EBF3: variants seen among roughly 807,000 people sequenced by gnomAD.
EBF3 encodes the protein EBF transcription factor 3, also known as transcription factor COE3.
A neutral mutation model predicts 77.1 loss-of-function variants in EBF3; 18 were observed. The ratio of observed to expected loss-of-function variants is 0.23; its 90% CI spans 0.16 to 0.35. The LOEUF is 0.35. EBF3 is among the 10% of genes least tolerant of loss of function. The probability of loss-of-function intolerance (pLI) is 1.00; values close to 1 mark genes in which losing one functional copy is unlikely to be tolerated. For missense variants in EBF3, 558 were observed against 860.0 expected, an observed-to-expected ratio of 0.65 and a Z score of 4.39; for synonymous variants, 350 against 343.5, an observed-to-expected ratio of 1.02 and a Z score of -0.21.
intron 6 of EBF3, among the ~76,000 whole-genome samples, chr10:129,930,971 ATATATC>A (rs968990469): frequency 1.4e-5 from 2 of 143,516 alleles, no homozygotes; most frequent in Admixed American, 7.1e-5. Flanking sequence ...TCCCCCTCTC[ATATATC>A]TATATCTCTA....
intron 10 of EBF3, among the ~76,000 whole-genome samples, chr10:129,865,007 G>T (rs1353433885): frequency 6.6e-6 from 1 of 152,240 alleles, no homozygotes; most frequent in East Asian, 1.9e-4. Flanking sequence ...GACCACAGGA[G>T]TAAGCATATG....
Position 129,864,750 on chromosome 10 carries a change from C to T in EBF3, c.1039+2391G>A, listed in dbSNP as rs1012778423. 1.3e-5 allele frequency among the ~76,000 whole-genome samples: 2 copies of T among 152,178 alleles called. No homozygotes were observed. The highest frequency in any genetic ancestry group is 2.9e-5 in the Non-Finnish European group (2 of 68,022). Reference sequence around the variant, plus strand: ...GCAGACACAGGCACCTACACAGGAGCCCACCCCTGCCATGTGCCCGCCGAA... The same window carrying T: ...GCAGACACAGGCACCTACACAGGAGTCCACCCCTGCCATGTGCCCGCCGAA... On this transcript the variant is annotated intron_variant, in intron 10 of 16. Coordinates refer to ENST00000440978, the MANE Select transcript of EBF3 (RefSeq NM_001375380.1). The surrounding 1 kb of genome is among the most constrained non-coding windows in gnomAD (Gnocchi z 4.4).
chr10:129,886,620 T>A (rs1311699367), intron 6 of EBF3, among the ~76,000 whole-genome samples: 2 of 152,194 alleles, frequency 1.3e-5, no homozygotes, highest in Non-Finnish European at 1.5e-5. Flanking sequence ...TCACAGATTA[T>A]CTGTTCTGCG....
chr10:129,916,182 T>C lies in EBF3; in HGVS notation c.555-38333A>G, dbSNP rs111742382. 4.5e-4 allele frequency among the ~76,000 whole-genome samples: 69 copies of C among 152,152 alleles called. 1 individual carries two copies. Among genetic ancestry groups the C allele is most frequent in the African/African-American group, 1.6e-3 (65 of 41,518 alleles). Reference sequence around the variant, plus strand: ...ATCTCCACTTTGGAAAACACAGGCATGTGAGAGCCTGGGGGAGAGACGGGC... The same window carrying C: ...ATCTCCACTTTGGAAAACACAGGCACGTGAGAGCCTGGGGGAGAGACGGGC... On this transcript the variant is annotated intron_variant, in intron 6 of 16. Coordinates refer to ENST00000440978, the MANE Select transcript of EBF3 (RefSeq NM_001375380.1).
At chr10:129,890,445 G>C (rs561023339) in intron 6 of EBF3, among the ~76,000 whole-genome samples, 55 of 152,362 alleles carry the variant, frequency 3.6e-4, no homozygotes, top group Non-Finnish European at 6.5e-4. Flanking sequence ...GTAGCACAAA[G>C]AGCGCCATTA....
chr10:129,934,990 T>C (rs920083744), intron 6 of EBF3, among the ~76,000 whole-genome samples: 1 of 152,168 alleles, frequency 6.6e-6, no homozygotes, highest in Non-Finnish European at 1.5e-5. Context: ...GGGCCTACTG[T>C]GTACCTGGTG....
chr10:129,963,732 T>A lies in EBF3; in HGVS notation c.37A>T (p.Thr13Ser), dbSNP rs866544665. ...CCCAGCGGCTCCTCCTTCATGGTCG[T>A]CCCCCCGCGCGGAATATTCTCCTGA... ...GIQENIPRGG[T>S]TMKEEPLGSG... is the part of the protein sequence containing the mutation. Residue 13 changes from threonine (T) to serine (S), a missense_variant, in exon 1 of 17, where the codon ACG becomes TCG. Transcript: ENST00000440978. The surrounding 1 kb of genome is among the most constrained non-coding windows in gnomAD (Gnocchi z 7.1). The A allele has an allele frequency of 2.6e-6, 4 of 1,532,888 alleles. No homozygotes were observed. In the African/African-American group the frequency reaches 5.7e-5, roughly 22 times the overall value. The allele number at this position is 1,532,888 out of a possible 1,614,324, so 95.0% of individuals were successfully genotyped here. A position where few individuals can be genotyped will look rare whatever the true frequency, so the allele number is the denominator to read the frequency against.
chr10:129,948,923 C>CTTGGAAAGGACACCTGCATTAA (rs1376222177), intron 6 of EBF3, among the ~76,000 whole-genome samples: 3 of 152,150 alleles, frequency 2.0e-5, no homozygotes, highest in African/African-American at 7.2e-5. Context: ...ACAATGAAAA[C>CTTGGAAAGGACACCTGCATTAA]TTGGAAAGGA....
At position 129,842,324 on chromosome 10, in the gene EBF3, T is replaced by C; in HGVS notation, c.1195-31A>G. On this transcript the variant is annotated intron_variant, in intron 12 of 16. Coordinates refer to ENST00000440978, the MANE Select transcript of EBF3 (RefSeq NM_001375380.1). The surrounding 1 kb of genome is among the most constrained non-coding windows in gnomAD (Gnocchi z 4.4). ...GCAGGAGCAAGTGGGAGCCGGCCTG[T>C]CACCCCAGGCCCGGCCCAGCTGGCC... is the stretch of plus-strand genomic sequence containing the variant. 6.4e-7 allele frequency: 1 copy of C among 1,551,986 alleles called. No individual in the cohort carries two copies. Among genetic ancestry groups the C allele is most frequent in the East Asian group, 2.3e-5 (1 of 42,836 alleles).
chr10:129,872,875 T>C (rs1289920478), intron 8 of EBF3, among the ~76,000 whole-genome samples: 1 of 152,148 alleles, frequency 6.6e-6, no homozygotes, highest in Non-Finnish European at 1.5e-5. Context: ...ACCACCCTTA[T>C]GGAAACCCTT....
chr10:129,918,368 A>G (rs1039965444), intron 6 of EBF3, among the ~76,000 whole-genome samples: 6 of 152,244 alleles, frequency 3.9e-5, no homozygotes, highest in African/African-American at 1.4e-4. Context: ...GAAGTCAAGA[A>G]GTCAAGTTTT....
intron 6 of EBF3, among the ~76,000 whole-genome samples, chr10:129,924,722 C>T (rs1856548680): frequency 6.6e-6 from 1 of 152,092 alleles, no homozygotes; most frequent in African/African-American, 2.4e-5. Flanking sequence ...GCTAGAGTGC[C>T]GTAGCATGAT....
Position 129,963,081 on chromosome 10 carries a change from G to A in EBF3, c.292-76C>T. On this transcript the variant is annotated intron_variant, in intron 2 of 16. Transcript: ENST00000440978. The surrounding 1 kb of genome is among the most constrained non-coding windows in gnomAD (Gnocchi z 7.1). Reference sequence around the variant, plus strand: ...GCCACCACGCTCGGTCCCCCTCCGCGACCGAGGCTCTCGGCCTCACACATG... The same window carrying A: ...GCCACCACGCTCGGTCCCCCTCCGCAACCGAGGCTCTCGGCCTCACACATG... The A allele has an allele frequency of 1.3e-6, 2 of 1,562,734 alleles. No homozygotes were observed. The highest frequency in any genetic ancestry group is 1.7e-5 in the Admixed American group (1 of 59,912).
At chr10:129,955,142 A>G (rs1858945225) in intron 6 of EBF3, among the ~76,000 whole-genome samples, 1 of 152,216 alleles carries the variant, frequency 6.6e-6, no homozygotes, top group African/African-American at 2.4e-5. Context: ...ACAACAGACA[A>G]CACAATGCTA....
intron 6 of EBF3, among the ~76,000 whole-genome samples, chr10:129,928,826 C>T (rs7086320): frequency 0.11 from 16,343 of 152,290 alleles, 1,948 homozygotes; most frequent in African/African-American, 0.3. Flanking sequence ...TCACTGTCTC[C>T]ACTGGCAAAT....
intron 10 of EBF3, among the ~76,000 whole-genome samples, chr10:129,852,236 A>G (rs1051624799): frequency 7.2e-5 from 11 of 152,236 alleles, no homozygotes; most frequent in Non-Finnish European, 1.5e-4. Flanking sequence ...AGTGTACTGG[A>G]GTTAATCTCG....
chr10:129,868,972 T>C lies in EBF3; in HGVS notation c.782-1060A>G, dbSNP rs559053823. 5.7e-3 allele frequency among the ~76,000 whole-genome samples: 873 copies of C among 152,316 alleles called. 9 individuals are homozygous for C. Among genetic ancestry groups the C allele is most frequent in the Non-Finnish European group, 4.3e-3 (292 of 68,020 alleles). ...ACTATCCTCAGGACCCTCAGACTAC[T>C]CTACCCTTTAGGTGAGCTGGGAGGT... On this transcript the variant is annotated intron_variant, in intron 8 of 16. Transcript: ENST00000440978.
chr10:129,840,314 C>T lies in EBF3; in HGVS notation c.1690G>A (p.Ala564Thr), dbSNP rs1388233949. The T allele has an allele frequency of 1.3e-6, 2 of 1,590,602 alleles. No homozygotes were observed. Among genetic ancestry groups the T allele is most frequent in the Non-Finnish European group, 8.6e-7 (1 of 1,168,504 alleles). Residue 564 changes from alanine to threonine, a missense_variant, in exon 15 of 17, where the codon GCG becomes ACG. Physicochemically the swap from Ala to Thr is moderately conservative, Grantham distance 58 (BLOSUM62 0). Transcript: ENST00000440978. ...ISAVKQKSAF[A>T]PVVRPQASPP... ...GAGGCTTGGGGCCGGACCACGGGCGCGAAGGCGCTCTTCTGTTTCACTGCG... is the reference window on the plus strand; with the variant it reads ...GAGGCTTGGGGCCGGACCACGGGCGTGAAGGCGCTCTTCTGTTTCACTGCG...
intron 6 of EBF3, among the ~76,000 whole-genome samples, chr10:129,909,985 G>C (rs946725047): frequency 1.2e-4 from 18 of 152,228 alleles, no homozygotes; most frequent in African/African-American, 4.1e-4. Context: ...TCAGGGGCTC[G>C]GGCTCTGCTC....
Sources: allele counts gnomAD v4.1 joint callset (sites outside exome capture counted in the v4.1 genomes callset), GRCh38; gene constraint gnomAD v4.1.1; non-coding constraint Gnocchi (gnomAD v3.1); transcripts MANE v1.5; gene names NCBI Gene and HGNC (gene_info 2026-07-23, HGNC 2026-07-21).